ABCA2: variants seen among roughly 807,000 people sequenced by gnomAD.
The protein encoded by ABCA2 is ATP-binding cassette sub-family A member 2.
ABCA2 carries 84 observed loss-of-function variants against 262.8 expected under a neutral mutation model. The ratio of observed to expected loss-of-function variants is 0.32; its 90% CI spans 0.27 to 0.38. ABCA2 has a LOEUF of 0.38. Ranked by LOEUF, ABCA2 falls within the 10% of genes least tolerant of loss-of-function variation. ABCA2 has a pLI of 1.00. For missense variants in ABCA2, 2,662 were observed against 3,405.9 expected (o/e 0.78, Z 5.44); for synonymous variants, 1,696 against 1,502.9 (o/e 1.13, Z -2.97).
intron 40 of ABCA2, 57 bp downstream of exon 40, chr9:137,010,563 A>AC (rs772519279): frequency 2.7e-6 from 3 of 1,093,516 alleles, no homozygotes; most frequent in South Asian, 2.1e-5. Flanking sequence ...CTGGGGCCCC[A>AC]CCCCCCTGGC....
chr9:137,015,237 A>G, intron 24 of ABCA2, 140 bp from the exon 25 acceptor site: 1 of 1,209,318 alleles, frequency 8.3e-7, no homozygotes, highest in African/African-American at 1.5e-5. Context: ...CCAGGGGGTG[A>G]CGCTGAGGAC....
rs759580513 is a variant in ABCA2, at chr9:137,021,566, C to T, written c.723G>A (p.Thr241=). 168 of 1,577,008 alleles carry T rather than the reference C, an allele frequency of 1.1e-4. No individual in the cohort carries two copies. The highest frequency in any genetic ancestry group is 3.7e-4 in the Admixed American group (20 of 54,190). ...APALLEQLTC[T]PGSGELGRIL... is the part of the protein sequence containing the mutation. ...TCCGGCCCAGCTCCCCCGAGCCCGG[C>T]GTGCAGGTGAGCTGCTCCAGGAGGG... The change falls in exon 8 of 49, where the codon ACG becomes ACA. Residue 241 remains threonine, a synonymous_variant. Transcript: ENST00000341511. This position sits in a 1 kb window ranked among gnomAD's most constrained non-coding sequence, Gnocchi z 6.0.
intron 27 of ABCA2, 24 bp from the exon 28 acceptor site, chr9:137,014,062 G>C (rs780146749): frequency 1.2e-6 from 2 of 1,605,558 alleles, no homozygotes; most frequent in Non-Finnish European, 1.7e-6. Flanking sequence ...TAGAGGCTGA[G>C]CAGGTGGTTG....
rs1478130606 is a variant in ABCA2, at chr9:137,008,064, G to T, written c.7276-100C>A. ...CCCGCCCCGGCCCTCCTGCAGGCTG[G>T]GCCTGGACGCAGGGTCTCCCCACGA... On this transcript the variant is annotated intron_variant, in intron 48 of 48. Coordinates refer to ENST00000341511, the MANE Select transcript of ABCA2 (RefSeq NM_001606.5). 1.0e-5 allele frequency: 15 copies of T among 1,452,916 alleles called. No homozygotes were observed. In the Admixed American group the frequency reaches 3.0e-4, roughly 29 times the overall value. The allele number at this position is 1,452,916 out of a possible 1,614,324, so 90.0% of individuals were successfully genotyped here.
intron 3 of ABCA2, chr9:137,023,513 C>A: frequency 1.3e-6 from 1 of 747,720 alleles, no homozygotes; most frequent in East Asian, 2.5e-5. Context: ...CCGCTCCAGC[C>A]CCAGCCCAGG....
intron 17 of ABCA2, 44 bp from the exon 18 acceptor site, chr9:137,017,390 C>T: frequency 6.2e-7 from 1 of 1,608,858 alleles, no homozygotes; most frequent in Non-Finnish European, 8.5e-7. Flanking sequence ...ACCCGCACGC[C>T]CGGCCTCCTG....
At position 137,015,979 on chromosome 9, in the gene ABCA2, G is replaced by T. The variant is rs772572717; in HGVS notation, c.3300C>A (p.Ile1100=). The change falls in exon 22 of 49, where the codon ATC becomes ATA. Residue 1100 remains isoleucine (I), a synonymous_variant. Transcript: ENST00000341511. ...CCACCCACTTGTCCATCTCTCTGCG[G>T]ATCTCCTCCTGAGCCATGCTCTTGA... The part of the protein sequence containing the change: ...SRLKSMAQEE[I]RREMDKMIED... 2.1e-5 allele frequency: 34 copies of T among 1,599,014 alleles called. No individual in the cohort carries two copies. Among genetic ancestry groups the T allele is most frequent in the Non-Finnish European group, 2.8e-5 (33 of 1,171,754 alleles).
At chr9:137,013,782 G>A (rs372564299) in intron 28 of ABCA2, 50 bp downstream of exon 28, 63 of 1,550,778 alleles carry the variant, frequency 4.1e-5, no homozygotes, top group African/African-American at 2.2e-4. Context: ...GGCTCCCAGC[G>A]GGCGGTGGGG....
In ABCA2 at chr9:137,011,177, C is replaced by G. The variant is rs374736538; in HGVS notation, c.5923+9G>C. 1 of 1,612,346 alleles carries G rather than the reference C, an allele frequency of 6.2e-7. No homozygotes were observed. The highest frequency in any genetic ancestry group is 8.5e-7 in the Non-Finnish European group (1 of 1,179,824). The stretch of plus-strand genomic sequence containing the variant: ...CCCACCGCCTTCCCCGCCCCACGGG[C>G]CCCCTCACCAATCTTGGCGTAGTAC... On this transcript the variant is annotated intron_variant, in intron 38 of 48. Coordinates refer to ENST00000341511, the MANE Select transcript of ABCA2 (RefSeq NM_001606.5). This position sits in a 1 kb window ranked among gnomAD's most constrained non-coding sequence, Gnocchi z 8.8.
At chr9:137,009,079 A>G in intron 45 of ABCA2, 26 bp from the exon 46 acceptor site, 1 of 1,595,042 alleles carries the variant, frequency 6.3e-7, no homozygotes, top group Non-Finnish European at 8.5e-7. Flanking sequence ...GGTGGCCCGG[A>G]GCCCTGCGCC....
Position 137,019,823 on chromosome 9 carries a change from T to C in ABCA2, c.1425+513A>G, listed in dbSNP as rs1427482169. ...CAACTGCCCAGCTGTGCCCACCAGC[T>C]CCTTTGCTGGACCTGTCTCCATGTG... On this transcript the variant is annotated intron_variant, in intron 10 of 48. Coordinates refer to ENST00000341511, the MANE Select transcript of ABCA2 (RefSeq NM_001606.5). The surrounding 1 kb of genome is among the most constrained non-coding windows in gnomAD (Gnocchi z 4.4). 7 of 192,184 alleles carry C rather than the reference T, an allele frequency of 3.6e-5. No homozygotes were observed. Among genetic ancestry groups the C allele is most frequent in the Admixed American group, 3.2e-4 (6 of 18,578 alleles). 11.9% of individuals were successfully genotyped at this position (192,184 alleles called of 1,614,324 possible). A position where few individuals can be genotyped will look rare whatever the true frequency, so the allele number is the denominator to read the frequency against.
intron 20 of ABCA2, 44 bp from the exon 21 acceptor site, chr9:137,016,515 G>A: frequency 1.9e-6 from 3 of 1,612,328 alleles, no homozygotes; most frequent in Non-Finnish European, 1.7e-6. Flanking sequence ...CGGCGCCAAG[G>A]CCACCCAGGA....
At chr9:137,023,178 C>A in intron 3 of ABCA2, 126 bp from the exon 4 acceptor site, 1 of 790,134 alleles carries the variant, frequency 1.3e-6, no homozygotes, top group South Asian at 1.7e-5. Flanking sequence ...GGAGAAGCAG[C>A]GTTAGGGAGA....
intron 1 of ABCA2, among the ~76,000 whole-genome samples, chr9:137,026,762 AC>A (rs1831665776): frequency 6.6e-6 from 1 of 151,978 alleles, no homozygotes; most frequent in South Asian, 2.1e-4. Flanking sequence ...CCCAGTGGGG[AC>A]CTTCCTGACA....
At chr9:137,028,686 A>T (rs375789028), upstream of ABCA2, 167 of 1,211,416 alleles carry the variant, frequency 1.4e-4, no homozygotes, top group Middle Eastern at 1.5e-3. This position sits in a 1 kb window ranked among gnomAD's most constrained non-coding sequence, Gnocchi z 6.9. Flanking sequence ...GTGCTTTGTA[A>T]ACCAGCACTT....
chr9:137,023,938 G>A (rs1444581639), intron 2 of ABCA2, 98 bp from the exon 3 acceptor site: 11 of 1,361,274 alleles, frequency 8.1e-6, no homozygotes, highest in South Asian at 3.7e-5. Context: ...AGGAAGAGGC[G>A]TTGGCATCAT....
At position 137,017,916 on chromosome 9, in the gene ABCA2, C is replaced by A. The variant is rs770359303; in HGVS notation, c.2097-15G>T. ...CAAACAGGAAGCTGCGGGGAGGCCGCGCTCAGGCGCCACTCAGCCCCAGCC... is the reference window on the plus strand; with the variant it reads ...CAAACAGGAAGCTGCGGGGAGGCCGAGCTCAGGCGCCACTCAGCCCCAGCC... On this transcript the variant is annotated splice_polypyrimidine_tract_variant and intron_variant, in intron 15 of 48. Transcript: ENST00000341511. The A allele has an allele frequency of 1.2e-6, 2 of 1,612,120 alleles. No individual in the cohort carries two copies. The highest frequency in any genetic ancestry group is 1.3e-5 in the African/African-American group (1 of 74,938).
rs200112754 is a variant in ABCA2 at position 137,018,843 on chromosome 9, G to A, written c.1723-28C>T. 5.1e-4 allele frequency: 827 copies of A among 1,612,472 alleles called. 5 individuals are homozygous for A. The African/African-American group carries it at 9.1e-3, about 18-fold the overall frequency. On this transcript the variant is annotated intron_variant, in intron 12 of 48. Transcript: ENST00000341511. ...AGCGGGAGGGGCATCGCTGGAGCCC[G>A]CCGTGGGCATGTGCGAGGCAGGGGG...
rs1831065875 is a variant in ABCA2 at position 137,012,031 on chromosome 9, A to T, written c.5361-13T>A. The T allele has an allele frequency of 2.5e-6, 4 of 1,612,156 alleles. No individual in the cohort carries two copies. The Admixed American group carries it at 6.7e-5, about 27-fold the overall frequency. ...CGTGCCCTGCAGCCTGGGGCAAGGA[A>T]GCCCTCAGTCCTCACGGCCGGGGCT... On this transcript the variant is annotated splice_polypyrimidine_tract_variant and intron_variant, in intron 34 of 48. Coordinates refer to ENST00000341511, the MANE Select transcript of ABCA2 (RefSeq NM_001606.5).
Sources: gnomAD v4.1 joint callset for allele counts (sites outside exome capture counted in the v4.1 genomes callset) on GRCh38, gnomAD v4.1.1 for gene constraint, Gnocchi (gnomAD v3.1) non-coding constraint, MANE v1.5 for transcripts, NCBI Gene and HGNC (gene_info 2026-07-23, HGNC 2026-07-21) for gene names.